The following CHRM3 variants were observed in gnomAD, a reference collection of about 807,000 sequenced individuals.
CHRM3 encodes the protein muscarinic acetylcholine receptor M3.
CHRM3 carries 11 observed loss-of-function variants against 41.8 expected under a neutral mutation model. The observed-to-expected ratio is 0.26, with a 90% confidence interval of 0.17 to 0.44. The LOEUF (loss-of-function observed/expected upper bound fraction) is 0.44. CHRM3 is among the 20% of genes least tolerant of loss of function. The pLI, the probability that CHRM3 is intolerant of heterozygous loss-of-function variation, is 1.00. For synonymous variants in CHRM3, 297 were observed against 301.4 expected (o/e 0.99, Z 0.15); for missense variants, 571 against 745.4 (o/e 0.77, Z 2.72).
chr1:239,907,427 C>A lies in CHRM3; in HGVS notation c.-19-6C>A. The A allele has an allele frequency of 6.3e-7, 1 of 1,591,720 alleles. No homozygotes were observed. Among genetic ancestry groups the A allele is most frequent in the Admixed American group, 1.7e-5 (1 of 58,502 alleles). On this transcript the variant is annotated splice_region_variant and splice_polypyrimidine_tract_variant and intron_variant, in intron 6 of 6. Coordinates refer to ENST00000676153, the MANE Select transcript of CHRM3 (RefSeq NM_001375978.1). This position sits in a 1 kb window ranked among gnomAD's most constrained non-coding sequence, Gnocchi z 5.4. ...TCTAACTCTGTCTCTTCTCTCTTTC[C>A]CCCAGACTATGTCAGAGAGTCACAA... is the stretch of plus-strand genomic sequence containing the variant.
chr1:239,541,924 G>C (rs1658819406), intron 2 of CHRM3, among the ~76,000 whole-genome samples: 1 of 152,062 alleles, frequency 6.6e-6, no homozygotes. Context: ...TGCACACCTA[G>C]CTGTCTGCAA....
intron 3 of CHRM3, among the ~76,000 whole-genome samples, chr1:239,548,210 TC>T (rs543690685): frequency 6.0e-4 from 92 of 152,296 alleles, no homozygotes; most frequent in African/African-American, 1.9e-3. Context: ...CATAATTTGT[TC>T]CCAAGGTGGA....
intron 4 of CHRM3, among the ~76,000 whole-genome samples, chr1:239,656,583 G>A (rs1197523382): frequency 7.2e-5 from 11 of 152,128 alleles, no homozygotes; most frequent in Non-Finnish European, 1.5e-5. Flanking sequence ...GGACACTGCA[G>A]TGAGTCATGA....
intron 3 of CHRM3, among the ~76,000 whole-genome samples, chr1:239,602,090 A>ATTG (rs371232279): frequency 7.6e-6 from 1 of 131,232 alleles, no homozygotes; most frequent in African/African-American, 3.2e-5. Flanking sequence ...ACATATATAC[A>ATTG]TGTGTGTGTG....
At chr1:239,636,753 T>A (rs570668912) in intron 4 of CHRM3, among the ~76,000 whole-genome samples, 5 of 152,218 alleles carry the variant, frequency 3.3e-5, no homozygotes, top group Non-Finnish European at 7.3e-5. Context: ...TATTAATGAA[T>A]GTGCGTCTAA....
At chr1:239,407,622 C>A (rs147224671) in intron 1 of CHRM3, among the ~76,000 whole-genome samples, 2 of 152,046 alleles carry the variant, frequency 1.3e-5, no homozygotes, top group African/African-American at 4.8e-5. Context: ...ATATTGAAAT[C>A]ACCATTAATG....
At chr1:239,762,191 C>T (rs1666851583) in intron 5 of CHRM3, among the ~76,000 whole-genome samples, 1 of 152,186 alleles carries the variant, frequency 6.6e-6, no homozygotes, top group African/African-American at 2.4e-5. Flanking sequence ...CCCTTTTCAT[C>T]TCCTTTAATA....
chr1:239,436,787 T>C (rs1053329057), intron 1 of CHRM3, among the ~76,000 whole-genome samples: 1 of 152,078 alleles, frequency 6.6e-6, no homozygotes, highest in Non-Finnish European at 1.5e-5. Flanking sequence ...AGTTGCCATG[T>C]GGGGTTTTAT....
At chr1:239,805,206 G>A (rs1670535040) in intron 5 of CHRM3, among the ~76,000 whole-genome samples, 1 of 152,162 alleles carries the variant, frequency 6.6e-6, no homozygotes, top group Admixed American at 6.5e-5. Context: ...ATGAAACTCA[G>A]TGAGGTTCAT....
intron 5 of CHRM3, among the ~76,000 whole-genome samples, chr1:239,807,860 G>A (rs991615992): frequency 4.0e-5 from 6 of 149,706 alleles, no homozygotes; most frequent in African/African-American, 1.5e-4. Flanking sequence ...ACACACACAC[G>A]CACACATATC....
chr1:239,822,525 A>G (rs1672136769), intron 5 of CHRM3, among the ~76,000 whole-genome samples: 1 of 152,112 alleles, frequency 6.6e-6, no homozygotes, highest in Non-Finnish European at 1.5e-5. Context: ...TACATAAACC[A>G]AATCAATACT....
chr1:239,603,120 T>A (rs1337859304), intron 3 of CHRM3, among the ~76,000 whole-genome samples: 2 of 152,202 alleles, frequency 1.3e-5, no homozygotes, highest in Non-Finnish European at 2.9e-5. Flanking sequence ...ATTTGTATTT[T>A]AGTGACCAGC....
At chr1:239,584,543 G>A (rs530622084) in intron 3 of CHRM3, among the ~76,000 whole-genome samples, 5 of 152,272 alleles carry the variant, frequency 3.3e-5, no homozygotes, top group Non-Finnish European at 7.4e-5. Context: ...TTTAAGTAGT[G>A]TATTGAAGAA....
intron 5 of CHRM3, among the ~76,000 whole-genome samples, chr1:239,808,602 G>C (rs750630211): frequency 2.6e-4 from 40 of 152,100 alleles, no homozygotes; most frequent in Non-Finnish European, 4.9e-4. Context: ...TTGCCATATC[G>C]ATTGGACCAA....
intron 2 of CHRM3, among the ~76,000 whole-genome samples, chr1:239,502,692 A>C (rs1165119800): frequency 6.6e-6 from 1 of 152,234 alleles, no homozygotes; most frequent in African/African-American, 2.4e-5. Context: ...TTAACAAAAT[A>C]CTAGCTAACC....
intron 5 of CHRM3, among the ~76,000 whole-genome samples, chr1:239,709,358 C>T (rs184912457): frequency 1.9e-3 from 286 of 152,242 alleles, no homozygotes; most frequent in African/African-American, 5.3e-3. Flanking sequence ...TTTTACCGAC[C>T]GCCGTGTCTA....
At chr1:239,885,694 T>A (rs889895232) in intron 6 of CHRM3, among the ~76,000 whole-genome samples, 25 of 152,306 alleles carry the variant, frequency 1.6e-4, no homozygotes, top group African/African-American at 5.5e-4. Context: ...GCTTCCCATA[T>A]ACAGCGACCA....
intron 5 of CHRM3, among the ~76,000 whole-genome samples, chr1:239,764,787 T>C (rs1201790613): frequency 6.6e-6 from 1 of 152,238 alleles, no homozygotes; most frequent in Non-Finnish European, 1.5e-5. Context: ...ATGAGATTTA[T>C]CTCTGGGCTT....
At position 239,821,678 on chromosome 1, in the gene CHRM3, A is replaced by C. The variant is rs115754500; in HGVS notation, c.-146-5574A>C. On this transcript the variant is annotated intron_variant, in intron 5 of 6. Coordinates refer to ENST00000676153, the MANE Select transcript of CHRM3 (RefSeq NM_001375978.1). ...TTTGAAACTACTTTATTGAAGTTTA[A>C]ATTTAGCTGGAACAGAATTTCTAAA... is the stretch of plus-strand genomic sequence containing the variant. Among the ~76,000 whole-genome samples, 971 of 152,312 alleles carry C rather than the reference A, an allele frequency of 6.4e-3. 13 individuals carry two copies. Among genetic ancestry groups the C allele is most frequent in the African/African-American group, 0.022 (894 of 41,572 alleles).
Sources: gnomAD v4.1 joint callset for allele counts (sites outside exome capture counted in the v4.1 genomes callset) on GRCh38, gnomAD v4.1.1 for gene constraint, Gnocchi (gnomAD v3.1) non-coding constraint, MANE v1.5 for transcripts, NCBI Gene and HGNC (gene_info 2026-07-23, HGNC 2026-07-21) for gene names.